AFG2A: variants seen among roughly 807,000 people sequenced by gnomAD.
AFG2A encodes AAA ATPase AFG2A, also known as ATPase family gene 2 protein homolog A.
the AFG2A span, among the ~76,000 whole-genome samples, chr4:123,080,115 G>A: frequency 2.6e-5 from 4 of 152,154 alleles, no homozygotes; most frequent in Admixed American, 1.3e-4. Flanking sequence ...TCTGATACCC[G>A]TAAAATTCAT....
chr4:123,243,345 C>T, the AFG2A span, among the ~76,000 whole-genome samples: 10 of 152,284 alleles, frequency 6.6e-5, no homozygotes, highest in Non-Finnish European at 8.8e-5. Context: ...TTGGAACCAA[C>T]CCAAATTTCC....
the AFG2A span, among the ~76,000 whole-genome samples, chr4:123,305,731 A>G: frequency 1.2e-4 from 19 of 152,224 alleles, no homozygotes; most frequent in South Asian, 2.1e-3. Context: ...CTTAGAAACC[A>G]TGTTGGTTTT....
the AFG2A span, among the ~76,000 whole-genome samples, chr4:123,246,303 G>C: frequency 6.6e-6 from 1 of 152,156 alleles, no homozygotes. Context: ...TATTATTCAT[G>C]TTCTAATTTA....
chr4:123,007,604 G>GACA, the AFG2A span, among the ~76,000 whole-genome samples: 1 of 12,500 alleles, frequency 8.0e-5, no homozygotes, highest in Non-Finnish European at 1.4e-4. Context: ...GTGTGTGTGT[G>GACA]TGTGTATATA....
chr4:122,950,252 C>T, the AFG2A span, among the ~76,000 whole-genome samples: 7 of 152,210 alleles, frequency 4.6e-5, no homozygotes, highest in South Asian at 6.2e-4. Context: ...TAGGGTTGTA[C>T]GGCAGGTGAA....
the AFG2A span, among the ~76,000 whole-genome samples, chr4:123,133,397 A>G: frequency 2.6e-5 from 4 of 152,268 alleles, no homozygotes; most frequent in East Asian, 3.9e-4. Context: ...GACTCCTGTA[A>G]CAATCTGCAG....
At chr4:122,954,944 T>G in the AFG2A span, among the ~76,000 whole-genome samples, 1 of 152,186 alleles carries the variant, frequency 6.6e-6, no homozygotes, top group African/African-American at 2.4e-5. Flanking sequence ...AATGTGATGG[T>G]CAGCCCGGGA....
the AFG2A span, among the ~76,000 whole-genome samples, chr4:123,106,869 G>C: frequency 1.3e-5 from 2 of 152,380 alleles, no homozygotes; most frequent in Non-Finnish European, 2.9e-5. Context: ...CGAGCGAGGC[G>C]TGGAGCGGTG....
the AFG2A span, among the ~76,000 whole-genome samples, chr4:123,256,347 G>T: frequency 6.6e-6 from 1 of 152,144 alleles, no homozygotes; most frequent in Non-Finnish European, 1.5e-5. Flanking sequence ...TGCACTTTAC[G>T]TGGCTTCTAT....
chr4:123,109,392 A>G, the AFG2A span, among the ~76,000 whole-genome samples: 2 of 152,148 alleles, frequency 1.3e-5, no homozygotes, highest in Non-Finnish European at 2.9e-5. Context: ...TCACACTGCA[A>G]TGGGAGAGTT....
chr4:123,268,993 T>C, the AFG2A span, among the ~76,000 whole-genome samples: 1 of 152,224 alleles, frequency 6.6e-6, no homozygotes, highest in African/African-American at 2.4e-5. Flanking sequence ...AGGTGAAAAT[T>C]GAATCAGCCA....
chr4:123,273,464 A>C, the AFG2A span, among the ~76,000 whole-genome samples: 1 of 152,148 alleles, frequency 6.6e-6, no homozygotes. Flanking sequence ...GATATATTAC[A>C]TAAAGACAAA....
At chr4:123,002,154 T>C in the AFG2A span, among the ~76,000 whole-genome samples, 1 of 152,106 alleles carries the variant, frequency 6.6e-6, no homozygotes, top group Non-Finnish European at 1.5e-5. Context: ...TTCCATTTGC[T>C]TGGTAGATCT....
At chr4:122,940,681 G>A in the AFG2A span, among the ~76,000 whole-genome samples, 1 of 151,960 alleles carries the variant, frequency 6.6e-6, no homozygotes, top group East Asian at 1.9e-4. Context: ...CATTGCTTTT[G>A]GTGTTTTAGA....
the AFG2A span, among the ~76,000 whole-genome samples, chr4:123,168,605 G>C: frequency 0.035 from 5,374 of 151,978 alleles, 325 homozygotes; most frequent in African/African-American, 0.12. Context: ...TTGTTAATTG[G>C]ATACCACTTC....
At chr4:123,034,542 T>C in the AFG2A span, among the ~76,000 whole-genome samples, 1 of 140,006 alleles carries the variant, frequency 7.1e-6, no homozygotes, top group South Asian at 2.5e-4. Flanking sequence ...AAATGTAATG[T>C]TACAATATCC....
the AFG2A span, among the ~76,000 whole-genome samples, chr4:122,984,394 C>T: frequency 2.7e-4 from 41 of 152,220 alleles, no homozygotes; most frequent in South Asian, 6.6e-3. Flanking sequence ...ATGATCATAT[C>T]GTCAGCAGTG....
the AFG2A span, among the ~76,000 whole-genome samples, chr4:123,017,255 CG>C: frequency 4.2e-4 from 33 of 78,828 alleles, no homozygotes; most frequent in Non-Finnish European, 5.9e-4. Flanking sequence ...AGAGGGAGAG[CG>C]AGAGCGAGAG....
At chr4:123,219,695 T>G in the AFG2A span, among the ~76,000 whole-genome samples, 1 of 152,194 alleles carries the variant, frequency 6.6e-6, no homozygotes, top group African/African-American at 2.4e-5. Flanking sequence ...GGAAATATAT[T>G]TAATCTATTT....
Sources: allele counts gnomAD v4.1 joint callset (sites outside exome capture counted in the v4.1 genomes callset), GRCh38; gene constraint gnomAD v4.1.1; transcripts MANE v1.5; gene names NCBI Gene and HGNC (gene_info 2026-07-23, HGNC 2026-07-21).